GARRE1: variants seen among roughly 807,000 people sequenced by gnomAD.
GARRE1 encodes granule associated Rac and RHOG effector 1.
GARRE1 carries 49 observed loss-of-function variants against 103.2 expected under a neutral mutation model. The ratio of observed to expected loss-of-function variants is 0.47; its 90% CI spans 0.38 to 0.60. The LOEUF is 0.60. GARRE1 is among the 20% of genes least tolerant of loss of function. The probability of loss-of-function intolerance (pLI) is 0.00; values close to 1 mark genes in which losing one functional copy is unlikely to be tolerated. For synonymous variants in GARRE1, 505 were observed against 532.8 expected (o/e 0.95, Z 0.72); for missense variants, 1,199 against 1,370.5 (o/e 0.87, Z 1.98).
chr19:34,295,234 T>C (rs1027421026), intron 1 of GARRE1, among the ~76,000 whole-genome samples: 4 of 152,218 alleles, frequency 2.6e-5, no homozygotes, highest in African/African-American at 9.6e-5. Flanking sequence ...AAGGCTATTA[T>C]GGAGCTGGAG....
At chr19:34,315,653 G>A (rs569515742) in intron 2 of GARRE1, among the ~76,000 whole-genome samples, 57 of 142,008 alleles carry the variant, frequency 4.0e-4, no homozygotes, top group East Asian at 1.5e-3. Flanking sequence ...AAAGCTTGCA[G>A]TGAGCCAAGA....
intron 12 of GARRE1, 71 bp downstream of exon 12, chr19:34,349,224 G>GCTTTCCCAGGGA: frequency 1.3e-6 from 2 of 1,503,552 alleles, no homozygotes; most frequent in African/African-American, 1.4e-5. Context: ...TCACTCCCTG[G>GCTTTCCCAGGGA]GAAAGCCAGG....
At chr19:34,305,927 G>A (rs1252813639) in intron 2 of GARRE1, among the ~76,000 whole-genome samples, 1 of 152,164 alleles carries the variant, frequency 6.6e-6, no homozygotes, top group Non-Finnish European at 1.5e-5. Context: ...TCCAATTTAT[G>A]CGTCTATTCT....
At chr19:34,328,466 T>C (rs908144456) in intron 6 of GARRE1, among the ~76,000 whole-genome samples, 2 of 147,724 alleles carry the variant, frequency 1.4e-5, no homozygotes, top group African/African-American at 5.0e-5. Flanking sequence ...GAGGTGGAGA[T>C]GGCAGTGAGC....
intron 1 of GARRE1, among the ~76,000 whole-genome samples, chr19:34,278,681 A>C (rs1392401913): frequency 6.9e-6 from 1 of 145,762 alleles, no homozygotes; most frequent in East Asian, 2.0e-4. Flanking sequence ...TCCTTCATTA[A>C]TTTTTTTTTT....
At chr19:34,274,602 A>G (rs543968624) in intron 1 of GARRE1, among the ~76,000 whole-genome samples, 4 of 152,252 alleles carry the variant, frequency 2.6e-5, no homozygotes, top group African/African-American at 9.6e-5. Context: ...AGGCAGTTGA[A>G]TATTTGGGTT....
intron 5 of GARRE1, 50 bp downstream of exon 5, chr19:34,327,916 A>C: frequency 2.5e-6 from 4 of 1,613,028 alleles, no homozygotes; most frequent in Non-Finnish European, 3.4e-6. Flanking sequence ...CTGCTCCTGC[A>C]GTCTAGTGTG....
At chr19:34,339,630 C>G (rs2074176721) in intron 8 of GARRE1, among the ~76,000 whole-genome samples, 1 of 152,210 alleles carries the variant, frequency 6.6e-6, no homozygotes, top group South Asian at 2.1e-4. Context: ...GAACTGGAGG[C>G]AGAGACCAAA....
At chr19:34,286,998 G>GCAT (rs1026322998) in intron 1 of GARRE1, among the ~76,000 whole-genome samples, 2 of 151,876 alleles carry the variant, frequency 1.3e-5, no homozygotes, top group African/African-American at 4.8e-5. Context: ...AATTAGTCGG[G>GCAT]CATGGTGGCG....
intron 2 of GARRE1, among the ~76,000 whole-genome samples, chr19:34,303,192 G>A (rs1047126603): frequency 3.9e-5 from 6 of 151,988 alleles, no homozygotes; most frequent in African/African-American, 9.7e-5. Context: ...TCTTATATTC[G>A]TTTGATAGAT....
intron 2 of GARRE1, among the ~76,000 whole-genome samples, chr19:34,311,852 C>A (rs999736544): frequency 3.9e-5 from 6 of 152,134 alleles, no homozygotes; most frequent in African/African-American, 1.4e-4. Context: ...CTCAGGTGAT[C>A]CCCCTGCCCT....
In GARRE1 at chr19:34,342,368, G is replaced by T; in HGVS notation, c.2434G>T (p.Gly812Ter). Residue 812 changes from glycine to a stop codon, truncating the protein, a stop_gained, in exon 10 of 14, where the codon GGA becomes TGA. Coordinates refer to ENST00000299505, the MANE Select transcript of GARRE1 (RefSeq NM_014686.5). LOFTEE classifies it high-confidence loss of function. ...MSEVLGQKPQ[G>*]PRNNTWPNRD... is the part of the protein sequence containing the mutation. ...AGAGGTTCTGGGACAGAAGCCGCAG[G>T]GACCTAGAAATAACACCTGGCCCAA... 6.2e-7 allele frequency: 1 copy of T among 1,614,144 alleles called. No individual in the cohort carries two copies. The highest frequency in any genetic ancestry group is 8.5e-7 in the Non-Finnish European group (1 of 1,180,026).
intron 2 of GARRE1, among the ~76,000 whole-genome samples, chr19:34,304,746 G>A (rs2145245744): frequency 6.6e-6 from 1 of 151,674 alleles, no homozygotes; most frequent in Non-Finnish European, 1.5e-5. Flanking sequence ...TTTAAAGTGT[G>A]TATAAAATGG....
At position 34,282,117 on chromosome 19, in the gene GARRE1, G is replaced by C. The variant is rs886823201; in HGVS notation, c.-795-17562G>C. Among the ~76,000 whole-genome samples, 4 of 151,778 alleles carry C rather than the reference G, an allele frequency of 2.6e-5. No homozygotes were observed. In the South Asian group the frequency reaches 8.3e-4, roughly 32 times the overall value. ...TTCTTATTTCCAAGAATTCATTGTT[G>C]ATTTCTACTTCCTTTATGATTTGTT... is the stretch of plus-strand genomic sequence containing the variant. On this transcript the variant is annotated intron_variant, in intron 1 of 13. Transcript: ENST00000299505.
At chr19:34,347,840 G>A in intron 10 of GARRE1, 37 bp from the exon 11 acceptor site, 2 of 1,473,950 alleles carry the variant, frequency 1.4e-6, no homozygotes, top group Non-Finnish European at 1.8e-6. Context: ...AGGCCAGTTT[G>A]TCCCCAAACC....
At chr19:34,315,258 G>A (rs60102622) in intron 2 of GARRE1, among the ~76,000 whole-genome samples, 7,262 of 152,220 alleles carry the variant, frequency 0.048, 544 homozygotes, top group African/African-American at 0.17. Context: ...TTTGGGAAAT[G>A]GGGTGGACTT....
intron 9 of GARRE1, 45 bp downstream of exon 9, chr19:34,340,037 T>A: frequency 6.2e-7 from 1 of 1,607,382 alleles, no homozygotes; most frequent in Non-Finnish European, 8.5e-7. Context: ...AGGGACAGTG[T>A]GACTATGCAC....
chr19:34,302,203 T>C (rs948383116), intron 2 of GARRE1, among the ~76,000 whole-genome samples: 1 of 146,832 alleles, frequency 6.8e-6, no homozygotes, highest in African/African-American at 2.5e-5. Flanking sequence ...TTGGTCAGAC[T>C]AGGGTCTCAA....
intron 1 of GARRE1, among the ~76,000 whole-genome samples, chr19:34,255,185 G>A (rs1317761174): frequency 1.3e-5 from 2 of 149,684 alleles, no homozygotes; most frequent in East Asian, 2.0e-4. Context: ...GGCCCGAGGG[G>A]AGGGTCCGCG....
Sources: gnomAD v4.1 joint callset for allele counts (sites outside exome capture counted in the v4.1 genomes callset) on GRCh38, gnomAD v4.1.1 for gene constraint, MANE v1.5 for transcripts, NCBI Gene and HGNC (gene_info 2026-07-23, HGNC 2026-07-21) for gene names.